Variants in IFT52 observed in about 807,000 individuals in gnomAD.
IFT52 encodes intraflagellar transport protein 52 homolog.
Under a neutral mutation model 54.4 loss-of-function variants are expected in IFT52, and 44 were observed. The observed-to-expected ratio is 0.81, with a 90% CI of 0.63 to 1.04. The LOEUF is 1.04. Among genes scored for constraint, IFT52 ranks in the 50% least tolerant of loss-of-function variants. The probability of loss-of-function intolerance (pLI) is 0.00; values close to 1 mark genes in which losing one functional copy is unlikely to be tolerated. For synonymous variants in IFT52, 181 were observed against 185.3 expected (o/e 0.98, Z 0.19); for missense variants, 452 against 523.6 (o/e 0.86, Z 1.33).
intron 10 of IFT52, among the ~76,000 whole-genome samples, chr20:43,634,387 A>T (rs181355612): frequency 1.1e-4 from 17 of 152,282 alleles, no homozygotes; most frequent in African/African-American, 4.1e-4. Context: ...CAAAGAAAAA[A>T]ATTCAGAATT....
chr20:43,611,654 T>A (rs868163133), intron 6 of IFT52, among the ~76,000 whole-genome samples: 8 of 151,722 alleles, frequency 5.3e-5, no homozygotes, highest in Non-Finnish European at 1.2e-4. Flanking sequence ...GCCAGGCTGG[T>A]CTTGAACTCC....
chr20:43,612,611 C>T (rs1983543029), intron 6 of IFT52, among the ~76,000 whole-genome samples: 1 of 151,850 alleles, frequency 6.6e-6, no homozygotes, highest in Non-Finnish European at 1.5e-5. Context: ...AGAATCGCTT[C>T]AGCCCAGGAG....
intron 12 of IFT52, among the ~76,000 whole-genome samples, chr20:43,640,794 G>A (rs1470323582): frequency 6.6e-6 from 1 of 152,140 alleles, no homozygotes; most frequent in Non-Finnish European, 1.5e-5. Flanking sequence ...CCAGCACTTT[G>A]GGAGGCCAAA....
chr20:43,626,095 A>T (rs1448759000), intron 10 of IFT52, among the ~76,000 whole-genome samples: 1 of 151,314 alleles, frequency 6.6e-6, no homozygotes, highest in Non-Finnish European at 1.5e-5. Context: ...CAGGAAGAGC[A>T]GAAGTTCAGT....
intron 7 of IFT52, among the ~76,000 whole-genome samples, chr20:43,615,346 A>C (rs1453404073): frequency 6.6e-6 from 1 of 150,892 alleles, no homozygotes; most frequent in African/African-American, 2.4e-5. Context: ...CCCAGCCCCC[A>C]CTGCGTTTTA....
intron 10 of IFT52, among the ~76,000 whole-genome samples, 180 bp from the exon 11 acceptor site, chr20:43,635,746 T>A (rs1985487029): frequency 1.3e-5 from 2 of 152,256 alleles, no homozygotes; most frequent in African/African-American, 4.8e-5. Context: ...TGTGTCTTTA[T>A]AATAGAATGA....
chr20:43,597,900 A>AC (rs1474321637), intron 3 of IFT52, among the ~76,000 whole-genome samples: 13 of 151,254 alleles, frequency 8.6e-5, no homozygotes, highest in Non-Finnish European at 8.8e-5. Flanking sequence ...CAAAAAAAAA[A>AC]AAAAAAAAAA....
chr20:43,592,891 C>G (rs1405961739), intron 1 of IFT52, among the ~76,000 whole-genome samples: 1 of 152,130 alleles, frequency 6.6e-6, no homozygotes, highest in African/African-American at 2.4e-5. Flanking sequence ...AGGAGGATCA[C>G]TTGAGGTCAG....
intron 6 of IFT52, among the ~76,000 whole-genome samples, chr20:43,607,031 C>A (rs1211479400): frequency 2.6e-5 from 4 of 152,242 alleles, no homozygotes; most frequent in Non-Finnish European, 4.4e-5. Context: ...CTTTTCCCCA[C>A]CTTTCCCCTC....
chr20:43,610,181 A>G (rs1308153754), intron 6 of IFT52, among the ~76,000 whole-genome samples: 1 of 148,842 alleles, frequency 6.7e-6, no homozygotes, highest in East Asian at 2.0e-4. Flanking sequence ...AATCCCAGTT[A>G]CTCGGGAGGC....
intron 3 of IFT52, among the ~76,000 whole-genome samples, chr20:43,599,789 T>C (rs555437902): frequency 6.6e-6 from 1 of 152,288 alleles, no homozygotes; most frequent in South Asian, 2.1e-4. Context: ...TATTTCCACC[T>C]CAACTACATT....
At chr20:43,609,789 A>C (rs927416542) in intron 6 of IFT52, among the ~76,000 whole-genome samples, 1 of 150,386 alleles carries the variant, frequency 6.6e-6, no homozygotes, top group African/African-American at 2.4e-5. Context: ...AAAAAAAAAA[A>C]AAAAAAAAAA....
chr20:43,603,722 T>C (rs752666078), intron 3 of IFT52, 38 bp from the exon 4 acceptor site: 51 of 1,593,722 alleles, frequency 3.2e-5, no homozygotes, highest in Non-Finnish European at 3.9e-5. Flanking sequence ...CAAAAGTCTT[T>C]CAAGTATATT....
chr20:43,592,162 C>G (rs1981577133), intron 1 of IFT52, among the ~76,000 whole-genome samples: 1 of 151,992 alleles, frequency 6.6e-6, no homozygotes, highest in African/African-American at 2.4e-5. Context: ...CCAGACCAGC[C>G]TGGCCAACCT....
At chr20:43,606,295 A>ATTTT in intron 6 of IFT52, among the ~76,000 whole-genome samples, 1 of 139,758 alleles carries the variant, frequency 7.2e-6, no homozygotes. Context: ...TTTTTTTGAG[A>ATTTT]TGGAGTCTCA....
intron 10 of IFT52, among the ~76,000 whole-genome samples, chr20:43,628,054 T>C (rs1600500525): frequency 6.7e-6 from 1 of 148,632 alleles, no homozygotes; most frequent in East Asian, 2.1e-4. Context: ...TCAGCCTCCA[T>C]AGTAGCTGGG....
chr20:43,591,128 C>G (rs970173357), intron 1 of IFT52, 74 bp downstream of exon 1: 1 of 152,384 alleles, frequency 6.6e-6, no homozygotes, highest in South Asian at 2.1e-4. Context: ...ACTCGCCGCA[C>G]TCTTCGAGGC....
intron 10 of IFT52, among the ~76,000 whole-genome samples, chr20:43,629,380 C>T (rs986379692): frequency 7.9e-5 from 12 of 151,926 alleles, no homozygotes; most frequent in African/African-American, 4.8e-5. Flanking sequence ...TCACGCCATT[C>T]GTCGGCCTCA....
chr20:43,646,603 C>G (rs889655533), intron 13 of IFT52, among the ~76,000 whole-genome samples: 6 of 151,996 alleles, frequency 3.9e-5, no homozygotes, highest in Non-Finnish European at 5.9e-5. Flanking sequence ...GATGGGAGGT[C>G]AGGTAGGTTC....
Sources: gnomAD v4.1 joint callset for allele counts (sites outside exome capture counted in the v4.1 genomes callset) on GRCh38, gnomAD v4.1.1 for gene constraint, MANE v1.5 for transcripts, NCBI Gene and HGNC (gene_info 2026-07-23, HGNC 2026-07-21) for gene names.